TAF1B: variants seen among roughly 807,000 people sequenced by gnomAD.
TAF1B encodes the protein TATA-box binding protein associated factor, RNA polymerase I subunit B, also known as TATA box-binding protein-associated factor RNA polymerase I subunit B.
A neutral mutation model predicts 83.9 loss-of-function variants in TAF1B; 61 were observed. The observed-to-expected ratio is 0.73, with a 90% CI of 0.59 to 0.90. The LOEUF is 0.90. Ranked by LOEUF, TAF1B falls within the 40% of genes least tolerant of loss-of-function variation. The pLI is 0.00. For missense variants in TAF1B, 625 were observed against 677.0 expected, an observed-to-expected ratio of 0.92 and a Z score of 0.85; for synonymous variants, 221 against 224.6, an observed-to-expected ratio of 0.98 and a Z score of 0.14.
rs751937092 is a variant in TAF1B, at chr2:9,868,410, C to T, written c.534C>T (p.Val178=). 1.4e-5 allele frequency: 23 copies of T among 1,612,494 alleles called. No individual in the cohort carries two copies. The highest frequency in any genetic ancestry group is 2.0e-5 in the Non-Finnish European group (23 of 1,179,134). The change falls in exon 6 of 15, where the codon GTC becomes GTT. Residue 178 remains valine, a synonymous_variant. Coordinates refer to ENST00000263663, the MANE Select transcript of TAF1B (RefSeq NM_005680.3). ...SDIHTRKPFP[V]SKASQSETSV... The stretch of plus-strand genomic sequence containing the variant: ...TCCACACTCGAAAACCTTTCCCCGT[C>T]AGCAAAGCATCACAATCAGGTAAAA...
In TAF1B at chr2:9,851,691, AG is replaced by A. The variant is rs1204356956; in HGVS notation, c.303+54del. ...CTTTACATATTTTTGTTTAAAGAAC[AG>A]TAAGACTTATAGTGGAACTAAGGAG... is the stretch of plus-strand genomic sequence containing the variant. On this transcript the variant is annotated intron_variant, in intron 4 of 14. Transcript: ENST00000263663. The A allele has an allele frequency of 1.1e-4, 157 of 1,411,142 alleles. 1 individual carries two copies. Among genetic ancestry groups the A allele is most frequent in the Non-Finnish European group, 4.0e-6 (4 of 1,011,464 alleles). The allele number at this position is 1,411,142 out of a possible 1,614,324, so 87.4% of individuals were successfully genotyped here. A position where few individuals can be genotyped will look rare whatever the true frequency, so the allele number is the denominator to read the frequency against.
intron 14 of TAF1B, among the ~76,000 whole-genome samples, chr2:9,920,822 C>T (rs75711607): frequency 0.033 from 5,041 of 152,212 alleles, 256 homozygotes; most frequent in African/African-American, 0.11. Flanking sequence ...AAACAACACG[C>T]GCTTTTATGG....
intron 2 of TAF1B, chr2:9,846,174 C>G: frequency 8.6e-6 from 4 of 465,198 alleles, no homozygotes; most frequent in South Asian, 6.3e-5. Flanking sequence ...TACCCAAGTA[C>G]CAGGACTTGA....
chr2:9,875,285 G>A (rs78327372), intron 6 of TAF1B, among the ~76,000 whole-genome samples: 6,715 of 152,190 alleles, frequency 0.044, 196 homozygotes, highest in Non-Finnish European at 0.067. Context: ...TTAGAATCCT[G>A]TCCCATCCCA....
In TAF1B at chr2:9,875,978, C is replaced by G; in HGVS notation, c.667C>G (p.Leu223Val). The change falls in exon 7 of 15, where the codon CTT (leucine) becomes GTT (valine). Residue 223 changes from leucine to valine, a missense_variant. Leu to Val is a conservative substitution (Grantham distance 32). Coordinates refer to ENST00000263663, the MANE Select transcript of TAF1B (RefSeq NM_005680.3). ...ACTTGCCTTCTGTTATCTGTCCTTA[C>G]TTTGGCAGAGAGAAGCAATAACACT... Reference protein sequence around the residue: ...QTLAFCYLSLLWQREAITLSD... With the variant: ...QTLAFCYLSLVWQREAITLSD... 1 of 1,612,908 alleles carries G rather than the reference C, an allele frequency of 6.2e-7. No individual in the cohort carries two copies. Among genetic ancestry groups the G allele is most frequent in the Non-Finnish European group, 8.5e-7 (1 of 1,179,124 alleles).
chr2:9,911,936 T>A (rs1023960216), intron 11 of TAF1B, among the ~76,000 whole-genome samples: 2 of 152,226 alleles, frequency 1.3e-5, no homozygotes, highest in African/African-American at 4.8e-5. Context: ...TCCTGTTCAG[T>A]CCCTGGCAAA....
At chr2:9,904,590 C>T (rs2125168881) in intron 8 of TAF1B, among the ~76,000 whole-genome samples, 1 of 152,172 alleles carries the variant, frequency 6.6e-6, no homozygotes, top group Admixed American at 6.5e-5. Context: ...ATGACATATT[C>T]CTTTGGGTAT....
intron 12 of TAF1B, among the ~76,000 whole-genome samples, chr2:9,917,526 TG>T (rs1348422978): frequency 9.2e-5 from 14 of 152,238 alleles, no homozygotes; most frequent in African/African-American, 3.4e-4. Context: ...TTCTAATTAT[TG>T]TATAGGATTT....
chr2:9,843,831 C>G, intron 1 of TAF1B: 1 of 318,802 alleles, frequency 3.1e-6, no homozygotes, highest in Non-Finnish European at 5.8e-6. Context: ...AAGGATGAAG[C>G]TGTGGGTTTT....
At position 9,843,540 on chromosome 2, in the gene TAF1B, C is replaced by T. The variant is rs1245078889; in HGVS notation, c.-2C>T. 1.3e-6 allele frequency: 2 copies of T among 1,524,814 alleles called. No homozygotes were observed. The highest frequency in any genetic ancestry group is 4.0e-5 in the Admixed American group (2 of 49,976). 94.5% of individuals were successfully genotyped at this position (1,524,814 alleles called of 1,614,324 possible). A position where few individuals can be genotyped will look rare whatever the true frequency, so the allele number is the denominator to read the frequency against. The stretch of plus-strand genomic sequence containing the variant: ...GGCTGTGGAAGCTCCCGCGGCGCCG[C>T]GATGGACCTCGAGGAGGCGGTAAGG... On this transcript the variant is annotated 5_prime_UTR_variant, in exon 1 of 15. Coordinates refer to ENST00000263663, the MANE Select transcript of TAF1B (RefSeq NM_005680.3).
chr2:9,919,735 C>T lies in TAF1B; in HGVS notation c.1480C>T (p.Leu494Phe). Residue 494 changes from leucine to phenylalanine, a missense_variant, in exon 14 of 15, where the codon CTT (leucine) becomes TTT (phenylalanine). Leu to Phe is a conservative substitution (Grantham distance 22). Transcript: ENST00000263663. ...TAGAACGTGTTTCCATGGACACAGC[C>T]TTCAGGGAGTCCTGAAAGAGAAAGG... is the stretch of plus-strand genomic sequence containing the variant. ...TDRTCFHGHSLQGVLKEKGQS... is the reference protein window; with the variant it reads ...TDRTCFHGHSFQGVLKEKGQS... 1 of 1,614,164 alleles carries T rather than the reference C, an allele frequency of 6.2e-7. No homozygotes were observed. Among genetic ancestry groups the T allele is most frequent in the Non-Finnish European group, 8.5e-7 (1 of 1,180,022 alleles).
At position 9,868,578 on chromosome 2, in the gene TAF1B, G is replaced by A; in HGVS notation, c.553+149G>A. 2.6e-6 allele frequency: 3 copies of A among 1,152,672 alleles called. No homozygotes were observed. The South Asian group carries it at 4.0e-5, about 15-fold the overall frequency. The allele number at this position is 1,152,672 out of a possible 1,614,324, so 71.4% of individuals were successfully genotyped here. ...GAAGAATGACTTGCTGAATCATATG[G>A]CTAAGACAAACTAAGTGAAATCTTA... On this transcript the variant is annotated intron_variant, in intron 6 of 14. Coordinates refer to ENST00000263663, the MANE Select transcript of TAF1B (RefSeq NM_005680.3).
chr2:9,899,557 T>C (rs1162955069), intron 8 of TAF1B, among the ~76,000 whole-genome samples: 1 of 152,216 alleles, frequency 6.6e-6, no homozygotes, highest in East Asian at 1.9e-4. Context: ...GGAACATTGG[T>C]ATACAAATAT....
chr2:9,860,615 G>A (rs527978431), intron 5 of TAF1B, among the ~76,000 whole-genome samples: 1 of 152,302 alleles, frequency 6.6e-6, no homozygotes. Flanking sequence ...CGGTTAAGAT[G>A]TTTGGGATAA....
intron 7 of TAF1B, among the ~76,000 whole-genome samples, chr2:9,877,845 T>TCC (rs1270523945): frequency 6.6e-6 from 1 of 151,402 alleles, no homozygotes; most frequent in Non-Finnish European, 1.5e-5. Context: ...CCCTCTTTTC[T>TCC]CCTCTCTCTC....
At chr2:9,852,704 C>G (rs763553620) in intron 4 of TAF1B, among the ~76,000 whole-genome samples, 1 of 152,156 alleles carries the variant, frequency 6.6e-6, no homozygotes, top group Non-Finnish European at 1.5e-5. Context: ...GTTGCTCAGC[C>G]TGGGCTCAAA....
intron 14 of TAF1B, among the ~76,000 whole-genome samples, chr2:9,920,583 G>GGGT (rs201416220): frequency 0.098 from 11,728 of 119,806 alleles, 594 homozygotes; most frequent in Middle Eastern, 0.11. Flanking sequence ...CTGGGGCGGG[G>GGGT]GGCGGGGGGT....
chr2:9,851,494 T>C, intron 3 of TAF1B, 47 bp from the exon 4 acceptor site: 2 of 1,418,962 alleles, frequency 1.4e-6, no homozygotes, highest in South Asian at 2.7e-5. Flanking sequence ...GCATTAAAGT[T>C]AGTAAATTAG....
chr2:9,854,590 T>G (rs1393639808), intron 5 of TAF1B, among the ~76,000 whole-genome samples, 169 bp downstream of exon 5: 1 of 152,204 alleles, frequency 6.6e-6, no homozygotes, highest in Non-Finnish European at 1.5e-5. Flanking sequence ...GATTTAAACG[T>G]TGGAATAAAG....
Sources: allele counts gnomAD v4.1 joint callset (sites outside exome capture counted in the v4.1 genomes callset), GRCh38; gene constraint gnomAD v4.1.1; transcripts MANE v1.5; gene names NCBI Gene and HGNC (gene_info 2026-07-23, HGNC 2026-07-21).